Variants in MLIP observed in about 807,000 individuals in gnomAD.
MLIP encodes the protein muscular LMNA-interacting protein.
In MLIP, 79 loss-of-function variants were observed where a neutral mutation model predicts 84.8. The observed-to-expected ratio is 0.93, with a 90% CI of 0.78 to 1.12. The LOEUF is 1.12. Among genes scored for constraint, MLIP ranks in the 50% most tolerant of loss-of-function variants. The pLI is 0.00. For synonymous variants in MLIP, 504 were observed against 463.0 expected, an observed-to-expected ratio of 1.09 and a Z score of -1.14; for missense variants, 1,257 against 1,160.6, an observed-to-expected ratio of 1.08 and a Z score of -1.21.
intron 9 of MLIP, among the ~76,000 whole-genome samples, chr6:54,180,210 GTTAT>G (rs1171355076): frequency 6.6e-6 from 1 of 152,062 alleles, no homozygotes; most frequent in Non-Finnish European, 1.5e-5. Context: ...TCCATTGTGT[GTTAT>G]TTGTTTCTTT....
At chr6:54,252,514 CAT>C (rs1782706257) in intron 12 of MLIP, among the ~76,000 whole-genome samples, 3 of 138,814 alleles carry the variant, frequency 2.2e-5, no homozygotes, top group African/African-American at 2.7e-5. Flanking sequence ...TATATTATAA[CAT>C]ATAATATATA....
At chr6:54,146,522 T>A (rs757442647) in intron 4 of MLIP, among the ~76,000 whole-genome samples, 26 of 152,134 alleles carry the variant, frequency 1.7e-4, no homozygotes, top group Non-Finnish European at 3.7e-4. Flanking sequence ...ATAGGACCAA[T>A]GAGATAAGTT....
Position 54,160,582 on chromosome 6 carries a change from C to A in MLIP, c.2422C>A (p.Gln808Lys). 6.2e-7 allele frequency: 1 copy of A among 1,611,018 alleles called. No homozygotes were observed. Among genetic ancestry groups the A allele is most frequent in the Middle Eastern group, 1.7e-4 (1 of 6,040 alleles). The change falls in exon 7 of 14, where the codon CAG (glutamine) becomes AAG (lysine). Residue 808 changes from glutamine to lysine, a missense_variant. By Grantham distance (53) the Gln-to-Lys change is moderately conservative. Coordinates refer to ENST00000502396, the MANE Select transcript of MLIP (RefSeq NM_001281747.2). ...CTGTGCTACCATTGATAAGGTCTTACAGGATTCCTTGTCTATGGTAATGCT... is the reference window on the plus strand; with the variant it reads ...CTGTGCTACCATTGATAAGGTCTTAAAGGATTCCTTGTCTATGGTAATGCT... ...ELCATIDKVLQDSLSMHSSDS... is the reference protein window; with the variant it reads ...ELCATIDKVLKDSLSMHSSDS...
chr6:54,193,265 C>T (rs1778071150), intron 10 of MLIP, among the ~76,000 whole-genome samples: 1 of 152,114 alleles, frequency 6.6e-6, no homozygotes, highest in Non-Finnish European at 1.5e-5. Context: ...ATTGGAAATT[C>T]CCACCTATTC....
At chr6:54,246,317 T>A (rs760444710) in intron 12 of MLIP, among the ~76,000 whole-genome samples, 73 of 152,284 alleles carry the variant, frequency 4.8e-4, no homozygotes, top group Non-Finnish European at 2.1e-4. Context: ...GAGGCTCTAT[T>A]TTTAGGAATA....
intron 12 of MLIP, among the ~76,000 whole-genome samples, chr6:54,256,847 A>G (rs560938558): frequency 6.6e-6 from 1 of 152,052 alleles, no homozygotes; most frequent in Admixed American, 6.6e-5. Context: ...TTACATTTCC[A>G]GTAAGTACTG....
intron 9 of MLIP, among the ~76,000 whole-genome samples, chr6:54,174,465 A>T (rs1314194428): frequency 6.6e-6 from 1 of 152,082 alleles, no homozygotes; most frequent in East Asian, 1.9e-4. Context: ...ATAATATCTC[A>T]TTGTAGTTTT....
At chr6:54,176,822 C>G (rs184543771) in intron 9 of MLIP, among the ~76,000 whole-genome samples, 1 of 152,126 alleles carries the variant, frequency 6.6e-6, no homozygotes, top group African/African-American at 2.4e-5. Context: ...CTACAGGAAC[C>G]AAAACAGCAT....
chr6:54,244,047 T>G (rs966671889), intron 12 of MLIP, among the ~76,000 whole-genome samples: 5 of 152,200 alleles, frequency 3.3e-5, no homozygotes, highest in African/African-American at 1.2e-4. Context: ...CATCTAGTAC[T>G]CTGACAAAAT....
At chr6:54,233,054 G>C (rs976935045) in intron 12 of MLIP, among the ~76,000 whole-genome samples, 1 of 152,048 alleles carries the variant, frequency 6.6e-6, no homozygotes, top group Non-Finnish European at 1.5e-5. Flanking sequence ...CTTTATAACT[G>C]GGTGCATCAT....
intron 1 of MLIP, among the ~76,000 whole-genome samples, chr6:54,088,366 T>G (rs2150367306): frequency 6.6e-6 from 1 of 152,310 alleles, no homozygotes; most frequent in South Asian, 2.1e-4. Flanking sequence ...CCTTCTTTGC[T>G]TTCCCTGAGG....
chr6:54,091,025 C>A (rs1055074406), intron 1 of MLIP, among the ~76,000 whole-genome samples: 23 of 152,040 alleles, frequency 1.5e-4, no homozygotes, highest in Non-Finnish European at 2.9e-4. Flanking sequence ...TTGCCAGGAA[C>A]CGTGCTGTGA....
intron 13 of MLIP, among the ~76,000 whole-genome samples, chr6:54,262,693 C>T (rs1239302585): frequency 6.6e-6 from 1 of 151,962 alleles, no homozygotes; most frequent in African/African-American, 2.4e-5. Context: ...TTTTCAGGGC[C>T]TGACAAAAGG....
chr6:54,037,266 C>A (rs1377672260), intron 1 of MLIP, among the ~76,000 whole-genome samples: 1 of 152,012 alleles, frequency 6.6e-6, no homozygotes, highest in East Asian at 1.9e-4. Context: ...TGCAGCTCTG[C>A]ATGCATCAAT....
chr6:54,160,011 G>A (rs1774446903), intron 5 of MLIP, among the ~76,000 whole-genome samples: 1 of 152,064 alleles, frequency 6.6e-6, no homozygotes, highest in Non-Finnish European at 1.5e-5. Flanking sequence ...AGAGGCCTCA[G>A]AAATAATGCC....
intron 12 of MLIP, among the ~76,000 whole-genome samples, chr6:54,237,330 G>T (rs1352114532): frequency 6.6e-6 from 1 of 151,696 alleles, no homozygotes; most frequent in South Asian, 2.1e-4. Flanking sequence ...AGGAGAGGGG[G>T]TGGGGCAGCA....
At chr6:54,225,924 AT>A (rs1283945514) in intron 11 of MLIP, among the ~76,000 whole-genome samples, 1 of 152,192 alleles carries the variant, frequency 6.6e-6, no homozygotes, top group African/African-American at 2.4e-5. Flanking sequence ...CAGCAATAAA[AT>A]TTTAGAGGCA....
At position 54,050,619 on chromosome 6, in the gene MLIP, T is replaced by C. The variant is rs560651704; in HGVS notation, c.63+31528T>C. ...TTTTTGATTTCCATTTTTCCTAATA[T>C]AATCATTGTTTGATTGCATATCTTT... On this transcript the variant is annotated intron_variant, in intron 1 of 12. Coordinates refer to the MLIP transcript ENST00000274897. Among the ~76,000 whole-genome samples, 24 of 152,318 alleles carry C rather than the reference T, an allele frequency of 1.6e-4. No individual in the cohort carries two copies. The East Asian group carries it at 4.2e-3, about 27-fold the overall frequency.
intron 12 of MLIP, among the ~76,000 whole-genome samples, chr6:54,240,738 AG>A (rs1781681446): frequency 6.6e-6 from 1 of 152,160 alleles, no homozygotes; most frequent in Non-Finnish European, 1.5e-5. Flanking sequence ...GCACTTTGGG[AG>A]GCTGAGGCAG....
Sources: gnomAD v4.1 joint callset for allele counts (sites outside exome capture counted in the v4.1 genomes callset) on GRCh38, gnomAD v4.1.1 for gene constraint, MANE v1.5 for transcripts, NCBI Gene and HGNC (gene_info 2026-07-23, HGNC 2026-07-21) for gene names.